SRP54: variants seen among roughly 807,000 people sequenced by gnomAD.
The protein encoded by SRP54 is signal recognition particle subunit SRP54.
A neutral mutation model predicts 64.8 loss-of-function variants in SRP54; 10 were observed. The ratio of observed to expected loss-of-function variants is 0.15; its 90% confidence interval spans 0.10 to 0.26. SRP54 has a LOEUF of 0.26. Among genes scored for constraint, SRP54 ranks in the 10% least tolerant of loss-of-function variants. The pLI is 1.00. For missense variants in SRP54, 325 were observed against 613.7 expected (o/e 0.53, Z 4.97); for synonymous variants, 193 against 185.6 (o/e 1.04, Z -0.32).
intron 13 of SRP54, among the ~76,000 whole-genome samples, chr14:35,022,522 A>G (rs768912055): frequency 6.6e-6 from 1 of 151,988 alleles, no homozygotes; most frequent in Non-Finnish European, 1.5e-5. Flanking sequence ...ATGCCCAGCT[A>G]ATTTTTGTAT....
At chr14:35,014,717 T>C (rs747453148) in intron 10 of SRP54, 27 bp from the exon 11 acceptor site, 2 of 1,559,436 alleles carry the variant, frequency 1.3e-6, no homozygotes, top group Non-Finnish European at 1.8e-6. Context: ...GTATTAGTTG[T>C]TAATTTTTCT....
chr14:35,019,822 G>A (rs1244190356), intron 13 of SRP54, among the ~76,000 whole-genome samples: 1 of 152,176 alleles, frequency 6.6e-6, no homozygotes, highest in Non-Finnish European at 1.5e-5. Context: ...TACATATACT[G>A]TAGTCTATTA....
chr14:35,000,931 T>A lies in SRP54; in HGVS notation c.171-5T>A. ...CCACCCCAATCACCAACCACCATCA[T>A]AAAGGTCTGCTATTGATCTTGAAGA... On this transcript the variant is annotated splice_polypyrimidine_tract_variant and splice_region_variant and intron_variant, in intron 3 of 15. Coordinates refer to ENST00000216774, the MANE Select transcript of SRP54 (RefSeq NM_003136.4). 3 of 1,554,896 alleles carry A rather than the reference T, an allele frequency of 1.9e-6. No individual in the cohort carries two copies. The highest frequency in any genetic ancestry group is 2.6e-6 in the Non-Finnish European group (3 of 1,151,650).
intron 13 of SRP54, 21 bp downstream of exon 13, chr14:35,019,095 C>T: frequency 6.4e-7 from 1 of 1,555,228 alleles, no homozygotes; most frequent in Non-Finnish European, 8.9e-7. Context: ...AGATTATTTT[C>T]CTCAGGCAAA....
chr14:35,024,472 C>A lies in SRP54; in HGVS notation c.1327+1392C>A, dbSNP rs116314320. ...CCTGTCCAGTTCTTCCATTTTTCCC[C>A]CTTATATCTTTGTAATAGCTCCTTA... On this transcript the variant is annotated intron_variant, in intron 14 of 15. Transcript: ENST00000216774. 5.6e-3 allele frequency among the ~76,000 whole-genome samples: 857 copies of A among 152,204 alleles called. 12 individuals carry two copies. The highest frequency in any genetic ancestry group is 0.02 in the African/African-American group (824 of 41,546).
intron 4 of SRP54, among the ~76,000 whole-genome samples, chr14:35,003,717 T>C (rs957915344): frequency 6.6e-6 from 1 of 151,640 alleles, no homozygotes; most frequent in African/African-American, 2.4e-5. Context: ...TACTACTCTT[T>C]GAGCCCAGGA....
chr14:35,028,295 T>C, intron 15 of SRP54, 112 bp downstream of exon 15: 1 of 645,256 alleles, frequency 1.5e-6, no homozygotes, highest in Non-Finnish European at 2.5e-6. Context: ...AGGTGTGTGA[T>C]TTCAGGGAAA....
chr14:35,009,767 T>C (rs1356338116), intron 7 of SRP54, among the ~76,000 whole-genome samples: 5 of 151,854 alleles, frequency 3.3e-5, no homozygotes, highest in Admixed American at 2.6e-4. Flanking sequence ...GTGGCTCATA[T>C]CTGTAATCCC....
At position 35,029,045 on chromosome 14, in the gene SRP54, CCTACTTTTGCT is replaced by C; in HGVS notation, c.1424-12_1424-2del. 1 of 1,603,666 alleles carries C rather than the reference CCTACTTTTGCT, an allele frequency of 6.2e-7. No homozygotes were observed. Among genetic ancestry groups the C allele is most frequent in the African/African-American group, 1.3e-5 (1 of 74,642 alleles). ...AATTCTCTGTTTTTAACTCTACTTCCCTACTTTTGCTCTAGGTGGTATGGCAGGACTTCAGT... is the reference window on the plus strand; with the variant it reads ...AATTCTCTGTTTTTAACTCTACTTCCCTAGGTGGTATGGCAGGACTTCAGT... On this transcript the variant is annotated splice_region_variant and splice_polypyrimidine_tract_variant and intron_variant, in intron 15 of 15. Transcript: ENST00000216774.
chr14:35,022,363 C>CT (rs914392799), intron 13 of SRP54, among the ~76,000 whole-genome samples: 60 of 145,426 alleles, frequency 4.1e-4, no homozygotes, highest in South Asian at 4.4e-4. Context: ...TCCGTATTTT[C>CT]TTTTTTTTTT....
rs146084726 is a variant in SRP54, at chr14:35,027,466, A to G, written c.1328-622A>G. Among the ~76,000 whole-genome samples, 944 of 152,158 alleles carry G rather than the reference A, an allele frequency of 6.2e-3. 6 individuals are homozygous for G. Among genetic ancestry groups the G allele is most frequent in the African/African-American group, 0.018 (757 of 41,522 alleles). On this transcript the variant is annotated intron_variant, in intron 14 of 15. Coordinates refer to ENST00000216774, the MANE Select transcript of SRP54 (RefSeq NM_003136.4). ...CCGTTGTTATAGCTTACTATTAAAA[A>G]CTGCTGGCTGACCAGGTACGGTGTC...
At chr14:35,011,694 C>T (rs922604272) in intron 8 of SRP54, 35 bp downstream of exon 8, 1 of 1,433,326 alleles carries the variant, frequency 7.0e-7, no homozygotes, top group African/African-American at 1.4e-5. Flanking sequence ...ATTATTAGGA[C>T]TTTGGTTAAT....
intron 4 of SRP54, among the ~76,000 whole-genome samples, chr14:35,006,362 T>A (rs1218601583): frequency 6.6e-6 from 1 of 152,218 alleles, no homozygotes; most frequent in Non-Finnish European, 1.5e-5. Context: ...ATATGGACAT[T>A]AGCACTCTCG....
rs1181614274 is a variant in SRP54, at chr14:35,001,074, G to A, written c.255+54G>A. The A allele has an allele frequency of 5.3e-5, 44 of 827,232 alleles. No individual in the cohort carries two copies. The East Asian group carries it at 6.5e-4, about 12-fold the overall frequency. 51.2% of individuals were successfully genotyped at this position (827,232 alleles called of 1,614,324 possible). A position where few individuals can be genotyped will look rare whatever the true frequency, so the allele number is the denominator to read the frequency against. ...TTCTATACTCAGTGGATAAAAAAGC[G>A]TTAGCACTACAAATATTTCAGAATT... is the stretch of plus-strand genomic sequence containing the variant. On this transcript the variant is annotated intron_variant, in intron 4 of 15. Transcript: ENST00000216774.
chr14:34,988,082 A>T (rs188701868), intron 1 of SRP54, among the ~76,000 whole-genome samples: 10 of 152,236 alleles, frequency 6.6e-5, no homozygotes, highest in Admixed American at 6.6e-5. Flanking sequence ...AGTGGGTAGA[A>T]TTAGGGGAAT....
At chr14:34,990,116 ATTGC>A (rs1473093179) in intron 1 of SRP54, among the ~76,000 whole-genome samples, 1 of 152,130 alleles carries the variant, frequency 6.6e-6, no homozygotes, top group Non-Finnish European at 1.5e-5. Flanking sequence ...GCCTGTTTCT[ATTGC>A]TTACTATCCA....
In SRP54 at chr14:35,013,754, T is replaced by C. The variant is rs371291930; in HGVS notation, c.786-48T>C. ...CTTCGAATTTCAGATCTGCTGGAAA[T>C]TTGTGGGGTTCTTTTGAGGTTATTT... is the stretch of plus-strand genomic sequence containing the variant. On this transcript the variant is annotated intron_variant, in intron 9 of 15. Coordinates refer to ENST00000216774, the MANE Select transcript of SRP54 (RefSeq NM_003136.4). 93 of 1,501,374 alleles carry C rather than the reference T, an allele frequency of 6.2e-5. 1 individual carries two copies. In the Middle Eastern group the frequency reaches 4.7e-3, roughly 76 times the overall value. The allele number at this position is 1,501,374 out of a possible 1,614,324, so 93.0% of individuals were successfully genotyped here.
At chr14:35,010,766 AAAAT>A (rs553058682) in intron 7 of SRP54, among the ~76,000 whole-genome samples, 1 of 152,150 alleles carries the variant, frequency 6.6e-6, no homozygotes. Flanking sequence ...CTTTGTCTCA[AAAAT>A]AAATAAATAA....
intron 1 of SRP54, among the ~76,000 whole-genome samples, chr14:34,987,102 C>T (rs1190501833): frequency 6.7e-6 from 1 of 148,856 alleles, no homozygotes; most frequent in African/African-American, 2.5e-5. Flanking sequence ...CATGGTGGCA[C>T]TCCATGTAGT....
Sources: gnomAD v4.1 joint callset for allele counts (sites outside exome capture counted in the v4.1 genomes callset) on GRCh38, gnomAD v4.1.1 for gene constraint, MANE v1.5 for transcripts, NCBI Gene and HGNC (gene_info 2026-07-23, HGNC 2026-07-21) for gene names.